USP15: variants seen among roughly 807,000 people sequenced by gnomAD.
The protein encoded by USP15 is ubiquitin carboxyl-terminal hydrolase 15.
USP15 carries 18 observed loss-of-function variants against 127.1 expected under a neutral mutation model. That is an observed-to-expected ratio of 0.14 (90% CI 0.10 to 0.21). The LOEUF (loss-of-function observed/expected upper bound fraction) is 0.21. Ranked by LOEUF, USP15 falls within the 10% of genes least tolerant of loss-of-function variation. The pLI is 1.00. For missense variants in USP15, 805 were observed against 1,159.9 expected, an observed-to-expected ratio of 0.69 and a Z score of 4.44; for synonymous variants, 364 against 393.7, an observed-to-expected ratio of 0.92 and a Z score of 0.89.
chr12:62,286,268 G>A (rs540611983), intron 1 of USP15, among the ~76,000 whole-genome samples: 23 of 152,172 alleles, frequency 1.5e-4, no homozygotes, highest in African/African-American at 5.3e-4. Flanking sequence ...GCCAGCAAAT[G>A]TATGAAAAAA....
chr12:62,268,703 C>T (rs956239792), intron 1 of USP15, among the ~76,000 whole-genome samples: 10 of 152,090 alleles, frequency 6.6e-5, no homozygotes, highest in African/African-American at 2.4e-4. Context: ...ATTTGTGGCC[C>T]CTCCATTCTT....
At chr12:62,397,487 A>T (rs903287015) in intron 20 of USP15, among the ~76,000 whole-genome samples, 2 of 151,846 alleles carry the variant, frequency 1.3e-5, no homozygotes, top group Non-Finnish European at 2.9e-5. Context: ...TTTTCAATTT[A>T]TTTAAGAATT....
chr12:62,383,217 TC>T (rs2067042307), intron 9 of USP15, among the ~76,000 whole-genome samples: 1 of 151,934 alleles, frequency 6.6e-6, no homozygotes, highest in Non-Finnish European at 1.5e-5. Flanking sequence ...GAACCATTAC[TC>T]CTAGGGAAAC....
At chr12:62,341,202 CTT>C (rs146573800) in intron 6 of USP15, among the ~76,000 whole-genome samples, 2 of 148,148 alleles carry the variant, frequency 1.3e-5, no homozygotes, top group African/African-American at 2.5e-5. Context: ...TCAACCCCTG[CTT>C]TTTTTTTTTC....
At chr12:62,331,573 T>C (rs2065302667) in intron 6 of USP15, among the ~76,000 whole-genome samples, 1 of 152,164 alleles carries the variant, frequency 6.6e-6, no homozygotes. Flanking sequence ...AAACCACATG[T>C]TAGTATTTTG....
intron 6 of USP15, chr12:62,327,575 A>G: frequency 2.5e-6 from 1 of 399,632 alleles, no homozygotes. Flanking sequence ...CATGAGTTCT[A>G]AAGATTGAGA....
chr12:62,307,655 T>C (rs1444290422), intron 3 of USP15, among the ~76,000 whole-genome samples: 1 of 152,082 alleles, frequency 6.6e-6, no homozygotes, highest in Non-Finnish European at 1.5e-5. Flanking sequence ...AATAAACAAT[T>C]CGTGAGTTTT....
At chr12:62,322,725 C>G (rs2065018728) in intron 5 of USP15, among the ~76,000 whole-genome samples, 1 of 152,078 alleles carries the variant, frequency 6.6e-6, no homozygotes. Flanking sequence ...TAAACTTTTC[C>G]TGGTTCCTTA....
intron 4 of USP15, among the ~76,000 whole-genome samples, chr12:62,321,210 G>A (rs2064977381): frequency 6.6e-6 from 1 of 152,064 alleles, no homozygotes; most frequent in South Asian, 2.1e-4. Context: ...GTATTTTAGT[G>A]TTAGGTGATT....
intron 6 of USP15, chr12:62,328,400 T>C (rs2065194967): frequency 5.4e-6 from 2 of 370,230 alleles, no homozygotes; most frequent in Admixed American, 5.6e-5. Flanking sequence ...CAATAAAGCT[T>C]TCTTTGTAAG....
rs1277060095 is a variant in USP15, at chr12:62,409,503, A to G, written c.*5128A>G. The G allele has an allele frequency of 6.6e-6, 1 of 152,180 alleles. No homozygotes were observed. The highest frequency in any genetic ancestry group is 1.5e-5 in the Non-Finnish European group (1 of 68,012). 9.4% of individuals were successfully genotyped at this position (152,180 alleles called of 1,614,324 possible). On this transcript the variant is annotated 3_prime_UTR_variant, in exon 22 of 22. Coordinates refer to ENST00000280377, the MANE Select transcript of USP15 (RefSeq NM_001252078.2). Reference sequence around the variant, plus strand: ...AATATATTTTAAATGTTTAAGTTGTATTGGTAATTTACTATGTTCTCCTGT... The same window carrying G: ...AATATATTTTAAATGTTTAAGTTGTGTTGGTAATTTACTATGTTCTCCTGT...
chr12:62,349,189 T>G, intron 6 of USP15, 32 bp from the exon 7 acceptor site: 1 of 1,250,382 alleles, frequency 8.0e-7, no homozygotes, highest in Non-Finnish European at 1.1e-6. Flanking sequence ...CTTCATTTTT[T>G]TATCTAATTT....
At chr12:62,340,966 C>T (rs1263350740) in intron 6 of USP15, among the ~76,000 whole-genome samples, 1 of 152,174 alleles carries the variant, frequency 6.6e-6, no homozygotes, top group African/African-American at 2.4e-5. Flanking sequence ...CTAGTATTGA[C>T]AGTAGGGTGT....
At chr12:62,377,327 T>A (rs926200835) in intron 8 of USP15, among the ~76,000 whole-genome samples, 3 of 152,234 alleles carry the variant, frequency 2.0e-5, no homozygotes, top group African/African-American at 7.2e-5. Flanking sequence ...CTTATAATTG[T>A]CAAAAATGTT....
chr12:62,340,977 TAA>T (rs1555215211), intron 6 of USP15, among the ~76,000 whole-genome samples: 1 of 152,194 alleles, frequency 6.6e-6, no homozygotes, highest in African/African-American at 2.4e-5. Context: ...AGTAGGGTGT[TAA>T]AGAGTCCCAC....
chr12:62,293,773 T>A (rs894752912), intron 1 of USP15, among the ~76,000 whole-genome samples: 1 of 152,214 alleles, frequency 6.6e-6, no homozygotes, highest in African/African-American at 2.4e-5. Flanking sequence ...TGATAACTGG[T>A]TTCCTTTACC....
intron 3 of USP15, among the ~76,000 whole-genome samples, chr12:62,314,511 G>A (rs1417177656): frequency 6.6e-6 from 1 of 151,880 alleles, no homozygotes; most frequent in African/African-American, 2.4e-5. Flanking sequence ...GTGTACTAGT[G>A]TATCTTCATA....
chr12:62,270,656 T>A (rs1027371915), intron 1 of USP15, among the ~76,000 whole-genome samples: 2 of 152,096 alleles, frequency 1.3e-5, no homozygotes, highest in African/African-American at 4.8e-5. Context: ...GTACCCTGCT[T>A]GAAAATCAAT....
chr12:62,328,303 CAT>C (rs1226013493), intron 6 of USP15: 1 of 453,378 alleles, frequency 2.2e-6, no homozygotes, highest in Non-Finnish European at 4.4e-6. Flanking sequence ...CTTTGTGGGC[CAT>C]ATGGTCTCTG....
Sources: gnomAD v4.1 joint callset for allele counts (sites outside exome capture counted in the v4.1 genomes callset) on GRCh38, gnomAD v4.1.1 for gene constraint, MANE v1.5 for transcripts, NCBI Gene and HGNC (gene_info 2026-07-23, HGNC 2026-07-21) for gene names.